The following MIER2 variants were observed in gnomAD, a reference collection of about 807,000 sequenced individuals.
MIER2 encodes MIER family member 2.
Under a neutral mutation model 67.6 loss-of-function variants are expected in MIER2, and 30 were observed. The ratio of observed to expected loss-of-function variants is 0.44; its 90% CI spans 0.33 to 0.60. The LOEUF (loss-of-function observed/expected upper bound fraction) is 0.60, where lower values mean the gene tolerates loss of function less well. Ranked by LOEUF, MIER2 falls within the 20% of genes least tolerant of loss-of-function variation. The pLI, the probability that MIER2 is intolerant of heterozygous loss-of-function variation, is 0.02. For synonymous variants in MIER2, 372 were observed against 312.6 expected (o/e 1.19, Z -2.00); for missense variants, 702 against 745.1 (o/e 0.94, Z 0.67).
In MIER2 at chr19:307,303, T is replaced by C; in HGVS notation, c.1432A>G (p.Lys478Glu). The C allele has an allele frequency of 2.5e-6, 4 of 1,599,838 alleles. No homozygotes were observed. Among genetic ancestry groups the C allele is most frequent in the African/African-American group, 1.3e-5 (1 of 74,894 alleles). ...PRLAVDFALP[K>E]ELPLISSHVD... The stretch of plus-strand genomic sequence containing the variant: ...TGGCTGGAGATGAGGGGCAGCTCCT[T>C]GGGCAGGGCGAAGTCCACGGCCAGC... The change falls in exon 13 of 14, where the codon AAG (lysine) becomes GAG (glutamate). Residue 478 changes from lysine to glutamate, a missense_variant. Physicochemically the swap from Lys to Glu is moderately conservative, Grantham distance 56 (BLOSUM62 1). Around this residue, in one of 3 missense-constraint regions of MIER2, gnomAD observed 254 missense variants for 262.8 expected, o/e 0.97. Coordinates refer to ENST00000264819, the MANE Select transcript of MIER2 (RefSeq NM_017550.3).
intron 3 of MIER2, 96 bp downstream of exon 3, chr19:334,304 C>T: frequency 6.5e-7 from 1 of 1,537,012 alleles, no homozygotes. Flanking sequence ...TACAATTTAG[C>T]ACTTACCAAT....
Position 323,459 on chromosome 19 carries a change from C to T in MIER2, c.655+2176G>A, listed in dbSNP as rs1305675221. Among the ~76,000 whole-genome samples, 12 of 151,250 alleles carry T rather than the reference C, an allele frequency of 7.9e-5. No homozygotes were observed. The East Asian group carries it at 2.3e-3, about 30-fold the overall frequency. On this transcript the variant is annotated intron_variant, in intron 7 of 13. Coordinates refer to ENST00000264819, the MANE Select transcript of MIER2 (RefSeq NM_017550.3). ...CACACACACAACCATGCAGACGACT[C>T]GAATGACACAGGCATCATCACAATG...
rs138249510 is a variant in MIER2, at chr19:335,557, A to C, written c.100+526T>G. ...GAGACGCAGCCCTACACCTGGCAGA[A>C]GGAGCCCAGCCAGGGGAAGAACAGT... On this transcript the variant is annotated intron_variant, in intron 2 of 13. Coordinates refer to ENST00000264819, the MANE Select transcript of MIER2 (RefSeq NM_017550.3). Among the ~76,000 whole-genome samples, 720 of 152,302 alleles carry C rather than the reference A, an allele frequency of 4.7e-3. 5 individuals are homozygous for C. The highest frequency in any genetic ancestry group is 5.5e-3 in the Non-Finnish European group (371 of 68,016).
intron 7 of MIER2, among the ~76,000 whole-genome samples, chr19:319,136 T>G (rs1600134178): frequency 6.7e-6 from 1 of 148,930 alleles, no homozygotes; most frequent in Admixed American, 6.7e-5. Context: ...CCAAGGTGGG[T>G]GGATCACCTG....
chr19:337,086 C>A (rs547462375), intron 1 of MIER2, among the ~76,000 whole-genome samples: 6 of 152,020 alleles, frequency 3.9e-5, no homozygotes, highest in Non-Finnish European at 7.4e-5. Context: ...TCAAGTGATC[C>A]GCCCGCCTCG....
At chr19:342,108 T>C (rs1972532247) in intron 1 of MIER2, among the ~76,000 whole-genome samples, 1 of 152,132 alleles carries the variant, frequency 6.6e-6, no homozygotes, top group Admixed American at 6.5e-5. Context: ...GAGCCATGCT[T>C]GACCCTCCTC....
chr19:307,013 C>T, intron 13 of MIER2, 106 bp downstream of exon 13: 1 of 1,341,528 alleles, frequency 7.5e-7, no homozygotes, highest in Non-Finnish European at 1.0e-6. Flanking sequence ...CCACACTGTC[C>T]TCGGGTCCTT....
At chr19:336,893 A>G (rs918353840) in intron 1 of MIER2, among the ~76,000 whole-genome samples, 9 of 151,822 alleles carry the variant, frequency 5.9e-5, no homozygotes, top group Non-Finnish European at 1.2e-4. Context: ...CCCAGGCTGG[A>G]GTGCAGTGGC....
chr19:314,602 C>A (rs557436065), intron 7 of MIER2, among the ~76,000 whole-genome samples: 25 of 152,230 alleles, frequency 1.6e-4, no homozygotes, highest in African/African-American at 5.5e-4. Context: ...TGCTGTGCCC[C>A]ACCAAGCAGG....
At position 328,054 on chromosome 19, in the gene MIER2, C is replaced by T; in HGVS notation, c.244-65G>A. On this transcript the variant is annotated intron_variant, in intron 3 of 13. Coordinates refer to ENST00000264819, the MANE Select transcript of MIER2 (RefSeq NM_017550.3). ...GGCTCTGGGGGTTCCTGTCCCTGTCCTCTTGCCTGAGCCTCACTGGCCACA... is the reference window on the plus strand; with the variant it reads ...GGCTCTGGGGGTTCCTGTCCCTGTCTTCTTGCCTGAGCCTCACTGGCCACA... 4 of 1,592,214 alleles carry T rather than the reference C, an allele frequency of 2.5e-6. No homozygotes were observed. The South Asian group carries it at 3.4e-5, about 14-fold the overall frequency.
chr19:323,483 T>C (rs1192766877), intron 7 of MIER2, among the ~76,000 whole-genome samples: 1 of 146,270 alleles, frequency 6.8e-6, no homozygotes, highest in Non-Finnish European at 1.5e-5. Context: ...ATCATCACAA[T>C]GCAATACACA....
At chr19:339,924 TAAC>T (rs1972429060) in intron 1 of MIER2, among the ~76,000 whole-genome samples, 1 of 152,164 alleles carries the variant, frequency 6.6e-6, no homozygotes, top group South Asian at 2.1e-4. Flanking sequence ...GTGAATACAC[TAAC>T]AACCACTGAA....
rs890368138 is a variant in MIER2, at chr19:327,873, G to A, written c.360C>T (p.Thr120=). The A allele has an allele frequency of 2.5e-6, 4 of 1,611,796 alleles. No homozygotes were observed. The South Asian group carries it at 4.4e-5, about 18-fold the overall frequency. Residue 120 remains threonine (T), a synonymous_variant, in exon 4 of 14, where the codon ACC becomes ACT. Transcript: ENST00000264819. ...AAGGGCCCTCACTTACTTTGTCCAGGGTCATGTCTGGGAGGTTCGGGGCCA... is the reference window on the plus strand; with the variant it reads ...AAGGGCCCTCACTTACTTTGTCCAGAGTCATGTCTGGGAGGTTCGGGGCCA... The part of the protein sequence containing the change: ...GDVAPNLPDM[T]LDKEQIAKDL...
chr19:310,617 C>CATGGCCCGGAGCTATAGGA (rs1970935175), intron 10 of MIER2, among the ~76,000 whole-genome samples: 1 of 146,928 alleles, frequency 6.8e-6, no homozygotes, highest in African/African-American at 2.6e-5. Context: ...GCTATAGAAA[C>CATGGCCCGGAGCTATAGGA]ACAGCCCGGA....
At chr19:317,652 C>T (rs1220541007) in intron 7 of MIER2, among the ~76,000 whole-genome samples, 1 of 150,126 alleles carries the variant, frequency 6.7e-6, no homozygotes, top group Non-Finnish European at 1.5e-5. Context: ...ATCACTTGAA[C>T]CCGGGAGGTG....
Position 308,975 on chromosome 19 carries a change from G to A in MIER2, c.985-50C>T. ...CTCTGTCCCCGGCTGCCCAGCCCCA[G>A]CACCTGCACCACGATCCCAGGACGT... On this transcript the variant is annotated intron_variant, in intron 10 of 13. Coordinates refer to ENST00000264819, the MANE Select transcript of MIER2 (RefSeq NM_017550.3). This position sits in a 1 kb window ranked among gnomAD's most constrained non-coding sequence, Gnocchi z 9.1. 1 of 1,573,038 alleles carries A rather than the reference G, an allele frequency of 6.4e-7. No individual in the cohort carries two copies. The highest frequency in any genetic ancestry group is 8.7e-7 in the Non-Finnish European group (1 of 1,153,452).
intron 10 of MIER2, among the ~76,000 whole-genome samples, chr19:311,239 AAGGTTTTCAGCC>A (rs1970986225): frequency 1.3e-5 from 2 of 152,234 alleles, no homozygotes; most frequent in South Asian, 4.1e-4. Context: ...GAGCCATGGG[AAGGTTTTCAGCC>A]AGAGATGTCT....
intron 7 of MIER2, among the ~76,000 whole-genome samples, chr19:314,924 T>C (rs1381820557): frequency 6.6e-6 from 1 of 151,666 alleles, no homozygotes; most frequent in Non-Finnish European, 1.5e-5. Context: ...AAATTTCAAA[T>C]GTAGTACAGG....
chr19:337,782 T>C (rs1042493345), intron 1 of MIER2, among the ~76,000 whole-genome samples: 4 of 150,092 alleles, frequency 2.7e-5, no homozygotes, highest in Non-Finnish European at 4.4e-5. Flanking sequence ...GGCAGGAGAA[T>C]TGCTTGAACC....
Sources: gnomAD v4.1 joint callset for allele counts (sites outside exome capture counted in the v4.1 genomes callset) on GRCh38, gnomAD v4.1.1 for gene constraint, gnomAD v4.1.1 regional missense constraint, Gnocchi (gnomAD v3.1) non-coding constraint, MANE v1.5 for transcripts, NCBI Gene and HGNC (gene_info 2026-07-23, HGNC 2026-07-21) for gene names.